Variants in NCOA7 observed in about 807,000 individuals in gnomAD.
The protein encoded by NCOA7 is 140 kDa estrogen receptor-associated protein.
A neutral mutation model predicts 104.3 loss-of-function variants in NCOA7; 45 were observed. The observed-to-expected ratio is 0.43, with a 90% CI of 0.34 to 0.55. The LOEUF (loss-of-function observed/expected upper bound fraction) is 0.55, where lower values mean the gene tolerates loss of function less well. NCOA7 is among the 20% of genes least tolerant of loss of function. The pLI is 0.02. For missense variants in NCOA7, 1,041 were observed against 1,119.7 expected, an observed-to-expected ratio of 0.93 and a Z score of 1.00; for synonymous variants, 398 against 402.3, an observed-to-expected ratio of 0.99 and a Z score of 0.13.
In NCOA7 at chr6:125,915,321, C is replaced by T. The variant is rs201483156; in HGVS notation, c.2097-12C>T. The T allele has an allele frequency of 2.5e-5, 41 of 1,611,538 alleles. No individual in the cohort carries two copies. Among genetic ancestry groups the T allele is most frequent in the South Asian group, 4.4e-5 (4 of 91,038 alleles). The stretch of plus-strand genomic sequence containing the variant: ...ACATGGTGTTAACATCTGTCACAAA[C>T]GTGTTTTTCAGGGTGGATCATTTGT... On this transcript the variant is annotated splice_polypyrimidine_tract_variant and intron_variant, in intron 10 of 15. Transcript: ENST00000392477.
At chr6:125,818,883 C>T (rs1327222026) in intron 2 of NCOA7, 1 of 152,362 alleles carries the variant, frequency 6.6e-6, no homozygotes, top group African/African-American at 2.4e-5. Context: ...CAAGCAAGAT[C>T]TCTGGAGAGA....
At chr6:125,802,957 C>T (rs930787268) in intron 1 of NCOA7, among the ~76,000 whole-genome samples, 8 of 152,140 alleles carry the variant, frequency 5.3e-5, no homozygotes, top group South Asian at 2.1e-4. Context: ...GTCTTGTTCC[C>T]GAACCCACGT....
intron 5 of NCOA7, 111 bp downstream of exon 5, chr6:125,878,481 C>T: frequency 1.5e-6 from 1 of 676,768 alleles, no homozygotes; most frequent in Non-Finnish European, 2.4e-6. Flanking sequence ...TGATAATGTG[C>T]TTTGGTTCAA....
At chr6:125,849,348 A>G (rs1388859027) in intron 2 of NCOA7, among the ~76,000 whole-genome samples, 1 of 152,236 alleles carries the variant, frequency 6.6e-6, no homozygotes, top group African/African-American at 2.4e-5. Context: ...GAATTTAAAA[A>G]AGCTCTTTAA....
At chr6:125,866,233 G>A (rs1295101477) in intron 3 of NCOA7, among the ~76,000 whole-genome samples, 1 of 151,912 alleles carries the variant, frequency 6.6e-6, no homozygotes, top group African/African-American at 2.4e-5. Flanking sequence ...GGAGGCTGAG[G>A]CAGGAGAATC....
intron 3 of NCOA7, among the ~76,000 whole-genome samples, chr6:125,858,608 A>C (rs556637359): frequency 1.7e-3 from 260 of 152,060 alleles, no homozygotes; most frequent in African/African-American, 5.9e-3. Context: ...ACTGAGTGAC[A>C]GAGCGAGACA....
chr6:125,800,017 A>T (rs1190337660), intron 1 of NCOA7, among the ~76,000 whole-genome samples: 1 of 152,228 alleles, frequency 6.6e-6, no homozygotes, highest in Non-Finnish European at 1.5e-5. Flanking sequence ...TTCATTTCTA[A>T]CATCTGAAAC....
intron 11 of NCOA7, among the ~76,000 whole-genome samples, chr6:125,919,827 A>G (rs1336254021): frequency 6.6e-6 from 1 of 152,210 alleles, no homozygotes; most frequent in African/African-American, 2.4e-5. Context: ...GCCAGCGGGT[A>G]CTTTGTATCT....
rs368390754 is a variant in NCOA7 at position 125,911,918 on chromosome 6, TA to T, written c.2097-3412del. 2.9e-3 allele frequency among the ~76,000 whole-genome samples: 437 copies of T among 152,282 alleles called. 5 individuals carry two copies. Among genetic ancestry groups the T allele is most frequent in the African/African-American group, 0.01 (420 of 41,546 alleles). On this transcript the variant is annotated intron_variant, in intron 10 of 15. Coordinates refer to ENST00000392477, the MANE Select transcript of NCOA7 (RefSeq NM_181782.5). ...AAGCATACCCTCTCCCCCACGTTAGTAAATCTACTGAAACAGAAGCAAAAAC... is the reference window on the plus strand; with the variant it reads ...AAGCATACCCTCTCCCCCACGTTAGTAATCTACTGAAACAGAAGCAAAAAC...
chr6:125,864,143 A>G (rs746359887), intron 3 of NCOA7, among the ~76,000 whole-genome samples: 1 of 137,842 alleles, frequency 7.3e-6, no homozygotes, highest in Non-Finnish European at 1.5e-5. Flanking sequence ...ATTTAACTGC[A>G]GTAACTATCA....
At chr6:125,914,850 C>T (rs1166571821) in intron 10 of NCOA7, among the ~76,000 whole-genome samples, 1 of 152,162 alleles carries the variant, frequency 6.6e-6, no homozygotes, top group East Asian at 1.9e-4. Flanking sequence ...AAAATAGTAG[C>T]CAGTATTATT....
Position 125,874,975 on chromosome 6 carries a change from A to G in NCOA7, c.351+7A>G, listed in dbSNP as rs1365746029. ...TGGGACTATGGAATACACTGTGAGT[A>G]TAACCAAGGTGGTATAAATGTTTGT... On this transcript the variant is annotated splice_region_variant and intron_variant, in intron 4 of 15. Transcript: ENST00000392477. 3 of 1,602,642 alleles carry G rather than the reference A, an allele frequency of 1.9e-6. No individual in the cohort carries two copies. The highest frequency in any genetic ancestry group is 2.6e-6 in the Non-Finnish European group (3 of 1,169,812).
At chr6:125,846,775 A>G (rs545855682) in intron 2 of NCOA7, among the ~76,000 whole-genome samples, 26 of 152,344 alleles carry the variant, frequency 1.7e-4, no homozygotes, top group African/African-American at 6.0e-4. Flanking sequence ...CTCCACAACT[A>G]AACTGTGCCC....
At chr6:125,784,878 T>C (rs1266068703) in intron 1 of NCOA7, among the ~76,000 whole-genome samples, 2 of 152,082 alleles carry the variant, frequency 1.3e-5, no homozygotes, top group Non-Finnish European at 2.9e-5. Context: ...AGGGATGTGG[T>C]GAAGAGGAAG....
chr6:125,839,868 C>T (rs374117884), intron 2 of NCOA7, among the ~76,000 whole-genome samples: 22 of 152,004 alleles, frequency 1.4e-4, no homozygotes, highest in African/African-American at 2.9e-4. Flanking sequence ...CAATTATTTA[C>T]GGTACATAAT....
intron 13 of NCOA7, among the ~76,000 whole-genome samples, chr6:125,924,064 T>TA (rs914789694): frequency 6.6e-6 from 1 of 152,132 alleles, no homozygotes; most frequent in Non-Finnish European, 1.5e-5. Context: ...AGAGTCAAGA[T>TA]AAAAAAATTA....
At chr6:125,866,678 C>T (rs530366934) in intron 3 of NCOA7, among the ~76,000 whole-genome samples, 12 of 152,324 alleles carry the variant, frequency 7.9e-5, no homozygotes, top group African/African-American at 2.6e-4. Flanking sequence ...AAAACCTTCC[C>T]TCCAACATTA....
chr6:125,845,840 G>A (rs556453722), intron 2 of NCOA7, among the ~76,000 whole-genome samples: 1 of 152,184 alleles, frequency 6.6e-6, no homozygotes, highest in South Asian at 2.1e-4. Flanking sequence ...CACCGAACCT[G>A]TATATATCCA....
At chr6:125,790,202 G>A (rs1187308450), upstream of NCOA7, among the ~76,000 whole-genome samples, 1 of 152,236 alleles carries the variant, frequency 6.6e-6, no homozygotes, top group African/African-American at 2.4e-5. Context: ...CGCCAGAAGG[G>A]ACACAGGATG....
Sources: allele counts gnomAD v4.1 joint callset (sites outside exome capture counted in the v4.1 genomes callset), GRCh38; gene constraint gnomAD v4.1.1; transcripts MANE v1.5; gene names NCBI Gene and HGNC (gene_info 2026-07-23, HGNC 2026-07-21).